The following OCA2 variants were observed in gnomAD, a reference collection of about 807,000 sequenced individuals.
OCA2 encodes the protein OCA2 melanosomal transmembrane protein, also known as P protein.
OCA2 carries 77 observed loss-of-function variants against 100.2 expected under a neutral mutation model. The observed-to-expected ratio is 0.77, with a 90% CI of 0.64 to 0.93. The LOEUF (loss-of-function observed/expected upper bound fraction) is 0.93, where lower values mean the gene tolerates loss of function less well. OCA2 is among the 40% of genes least tolerant of loss of function. The pLI, the probability that OCA2 is intolerant of heterozygous loss-of-function variation, is 0.00. For synonymous variants in OCA2, 432 were observed against 439.2 expected, an observed-to-expected ratio of 0.98 and a Z score of 0.21; for missense variants, 1,062 against 1,089.1, an observed-to-expected ratio of 0.98 and a Z score of 0.35.
rs34697199 is a variant in OCA2, at chr15:27,897,189, C to CA, written c.2080-25268dup. Among the ~76,000 whole-genome samples the CA allele has an allele frequency of 4.5e-3, 586 of 131,268 alleles. 2 individuals carry two copies. Among genetic ancestry groups the CA allele is most frequent in the Non-Finnish European group, 7.4e-3 (429 of 58,338 alleles). The allele number at this position is 131,268 out of a possible 152,430, so 86.1% of individuals were successfully genotyped here. A position where few individuals can be genotyped will look rare whatever the true frequency, so the allele number is the denominator to read the frequency against. Reference sequence around the variant, plus strand: ...TGGGCGACAGAGCAAGACTCCGTCTCAAAAAAAAAAAAAAAGAAATCTTCT... The same window carrying CA: ...TGGGCGACAGAGCAAGACTCCGTCTCAAAAAAAAAAAAAAAAGAAATCTTCT... On this transcript the variant is annotated intron_variant, in intron 19 of 23. Coordinates refer to ENST00000354638, the MANE Select transcript of OCA2 (RefSeq NM_000275.3).
chr15:28,025,050 A>C, intron 4 of OCA2, 148 bp from the exon 5 acceptor site: 1 of 773,410 alleles, frequency 1.3e-6, no homozygotes, highest in Non-Finnish European at 2.3e-6. Context: ...GAACACCCTC[A>C]TATCAGTGAC....
At chr15:27,874,659 A>C (rs1194473418) in intron 19 of OCA2, among the ~76,000 whole-genome samples, 1 of 152,222 alleles carries the variant, frequency 6.6e-6, no homozygotes, top group South Asian at 2.1e-4. Flanking sequence ...TAAAGAAATT[A>C]GGGGTTGAAG....
the OCA2 span, among the ~76,000 whole-genome samples, chr15:27,740,313 G>A: frequency 6.6e-6 from 1 of 152,078 alleles, no homozygotes; most frequent in Non-Finnish European, 1.5e-5. Flanking sequence ...GACAGAAAAA[G>A]ATCAAAAGGT....
intron 2 of OCA2, among the ~76,000 whole-genome samples, chr15:28,059,034 C>A (rs2043792742): frequency 1.3e-5 from 2 of 152,210 alleles, no homozygotes; most frequent in African/African-American, 4.8e-5. Context: ...AGCCTGCCTT[C>A]CCCTAGGAAA....
chr15:27,990,881 G>A (rs2041535721), intron 9 of OCA2, among the ~76,000 whole-genome samples: 2 of 152,182 alleles, frequency 1.3e-5, no homozygotes, highest in South Asian at 2.1e-4. Context: ...AGATGACCCT[G>A]ATAAAGCAGC....
chr15:27,847,428 C>T (rs971728365), intron 22 of OCA2, among the ~76,000 whole-genome samples: 2 of 152,112 alleles, frequency 1.3e-5, no homozygotes, highest in Admixed American at 6.5e-5. Flanking sequence ...ATTTTGATGA[C>T]GAAGGCAAAG....
At chr15:27,904,938 C>T (rs1028959868) in intron 19 of OCA2, among the ~76,000 whole-genome samples, 22 of 152,242 alleles carry the variant, frequency 1.4e-4, no homozygotes, top group African/African-American at 4.8e-4. Context: ...CCAAGGCAGG[C>T]GGATCACCTG....
At chr15:27,805,999 C>G (rs547306001) in intron 23 of OCA2, among the ~76,000 whole-genome samples, 4 of 152,216 alleles carry the variant, frequency 2.6e-5, no homozygotes, top group Admixed American at 1.3e-4. Flanking sequence ...CAGGCCGTGA[C>G]AAACTATTTA....
At chr15:27,812,340 G>A (rs2034111635) in intron 23 of OCA2, among the ~76,000 whole-genome samples, 2 of 152,132 alleles carry the variant, frequency 1.3e-5, no homozygotes, top group South Asian at 4.1e-4. Flanking sequence ...TTTTCTCTGG[G>A]CAAGTCAGGA....
At chr15:27,861,656 G>C (rs140045666) in intron 21 of OCA2, among the ~76,000 whole-genome samples, 15 of 152,120 alleles carry the variant, frequency 9.9e-5, no homozygotes, top group Admixed American at 9.8e-4. Context: ...GGTCTCTCTC[G>C]AGGGCGGGCA....
intron 18 of OCA2, among the ~76,000 whole-genome samples, chr15:27,929,825 A>AATTTTTTTTTTTTTTTTT (rs71132826): frequency 6.7e-6 from 1 of 149,134 alleles, no homozygotes; most frequent in Non-Finnish European, 1.5e-5. Flanking sequence ...CAAATGGGAA[A>AATTTTTTTTTTTTTTTTT]TATTTTAAAC....
chr15:27,794,804 T>C (rs1009814680), intron 23 of OCA2, among the ~76,000 whole-genome samples: 6 of 152,210 alleles, frequency 3.9e-5, no homozygotes, highest in African/African-American at 1.4e-4. Context: ...AGAAGTTCCA[T>C]GTAAAAGGTC....
Position 28,011,932 on chromosome 15 carries a change from A to G in OCA2, c.1044+2844T>C, listed in dbSNP as rs1483730732. 2.7e-5 allele frequency among the ~76,000 whole-genome samples: 4 copies of G among 149,520 alleles called. No individual in the cohort carries two copies. In the Admixed American group the frequency reaches 2.7e-4, roughly 10 times the overall value. ...ACTCCATCTCAAAAAAGAAAAAAAAAGGCCGGCACTGTGGCTCATGCCTGT... is the reference window on the plus strand; with the variant it reads ...ACTCCATCTCAAAAAAGAAAAAAAAGGGCCGGCACTGTGGCTCATGCCTGT... On this transcript the variant is annotated intron_variant, in intron 9 of 23. Transcript: ENST00000354638.
At chr15:27,958,199 A>AT (rs2040295149) in intron 15 of OCA2, among the ~76,000 whole-genome samples, 1 of 152,220 alleles carries the variant, frequency 6.6e-6, no homozygotes, top group Admixed American at 6.5e-5. Context: ...TTAAAGTGTA[A>AT]TAAAAAAAAA....
At chr15:27,725,118 T>C in the OCA2 span, among the ~76,000 whole-genome samples, 12,711 of 151,990 alleles carry the variant, frequency 0.084, 1,857 homozygotes, top group African/African-American at 0.29. Flanking sequence ...AACCGCAGAG[T>C]GGGCAGTGGG....
intron 9 of OCA2, among the ~76,000 whole-genome samples, chr15:27,991,316 T>C (rs1484672496): frequency 6.6e-6 from 1 of 152,172 alleles, no homozygotes; most frequent in Non-Finnish European, 1.5e-5. Flanking sequence ...TGAAAACACA[T>C]GTCCACACAA....
At chr15:27,789,171 G>A (rs2032961313) in intron 23 of OCA2, among the ~76,000 whole-genome samples, 1 of 127,676 alleles carries the variant, frequency 7.8e-6, no homozygotes, top group Non-Finnish European at 1.6e-5. Flanking sequence ...TAGCTATATA[G>A]ATGTATATAT....
At chr15:27,794,129 T>A (rs1031433269) in intron 23 of OCA2, among the ~76,000 whole-genome samples, 1 of 152,218 alleles carries the variant, frequency 6.6e-6, no homozygotes, top group Non-Finnish European at 1.5e-5. Context: ...CAAGAATGTG[T>A]GTGTTCCTGG....
chr15:28,093,938 G>A (rs1344725481), intron 1 of OCA2, among the ~76,000 whole-genome samples: 3 of 152,168 alleles, frequency 2.0e-5, no homozygotes, highest in African/African-American at 7.2e-5. Context: ...TTGAGTAGGG[G>A]CTCTCGTTCC....
Sources: allele counts gnomAD v4.1 joint callset (sites outside exome capture counted in the v4.1 genomes callset), GRCh38; gene constraint gnomAD v4.1.1; transcripts MANE v1.5; gene names NCBI Gene and HGNC (gene_info 2026-07-23, HGNC 2026-07-21).